GPD1L: variants seen among roughly 807,000 people sequenced by gnomAD.
GPD1L encodes the protein glycerol-3-phosphate dehydrogenase 1-like protein.
In GPD1L, 17 loss-of-function variants were observed where a neutral mutation model predicts 32.9. The ratio of observed to expected loss-of-function variants is 0.52; its 90% CI spans 0.35 to 0.78. The LOEUF (loss-of-function observed/expected upper bound fraction) is 0.78. Among genes scored for constraint, GPD1L ranks in the 30% least tolerant of loss-of-function variants. The pLI is 0.01. For missense variants in GPD1L, 361 were observed against 447.8 expected (o/e 0.81, Z 1.75); for synonymous variants, 187 against 165.9 (o/e 1.13, Z -0.98).
intron 7 of GPD1L, among the ~76,000 whole-genome samples, chr3:32,161,145 T>C (rs1474898851): frequency 6.6e-6 from 1 of 152,166 alleles, no homozygotes; most frequent in Non-Finnish European, 1.5e-5. Context: ...CAGTCATGCA[T>C]CTTTACCTCC....
rs985113795 is a variant in GPD1L, at chr3:32,106,998, G to C, written c.47+240G>C. On this transcript the variant is annotated intron_variant, in intron 1 of 7. Coordinates refer to ENST00000282541, the MANE Select transcript of GPD1L (RefSeq NM_015141.4). This position sits in a 1 kb window ranked among gnomAD's most constrained non-coding sequence, Gnocchi z 4.0. Reference sequence around the variant, plus strand: ...GGACAGCGCGGAGAGAGGGCACCCCGAGCACGCGGGCACCTGTCTGCGCCC... The same window carrying C: ...GGACAGCGCGGAGAGAGGGCACCCCCAGCACGCGGGCACCTGTCTGCGCCC... Among the ~76,000 whole-genome samples the C allele has an allele frequency of 6.6e-6, 1 of 152,188 alleles. No individual in the cohort carries two copies. Among genetic ancestry groups the C allele is most frequent in the African/African-American group, 2.4e-5 (1 of 41,468 alleles).
chr3:32,138,625 A>C lies in GPD1L; in HGVS notation c.264A>C (p.Ala88=), dbSNP rs528792876. The C allele has an allele frequency of 6.2e-6, 10 of 1,613,874 alleles. No homozygotes were observed. In the East Asian group the frequency reaches 1.6e-4, roughly 25 times the overall value. Residue 88 remains alanine (A), a synonymous_variant, in exon 3 of 8, where the codon GCA becomes GCC. Coordinates refer to ENST00000282541, the MANE Select transcript of GPD1L (RefSeq NM_015141.4). ...ATCTTAGCGAGGCTGTGCAGGATGC[A>C]GACCTGCTGGTGTTTGTCATTCCCC... ...MSNLSEAVQD[A]DLLVFVIPHQ... is the part of the protein sequence containing the mutation.
chr3:32,158,279 A>G (rs1030891620), intron 5 of GPD1L: 2 of 156,470 alleles, frequency 1.3e-5, no homozygotes, highest in Admixed American at 6.1e-5. Flanking sequence ...CACATAAAAT[A>G]TTACATATTG....
intron 1 of GPD1L, among the ~76,000 whole-genome samples, chr3:32,113,755 A>C (rs965472118): frequency 3.3e-5 from 5 of 152,168 alleles, no homozygotes; most frequent in African/African-American, 1.2e-4. Context: ...GGGTTTAACA[A>C]TGTGGGCTGA....
intron 1 of GPD1L, among the ~76,000 whole-genome samples, chr3:32,110,862 C>CT (rs1559566983): frequency 6.6e-6 from 1 of 152,078 alleles, no homozygotes; most frequent in Non-Finnish European, 1.5e-5. Context: ...TTTCTTTTTT[C>CT]TTTTTTTGTT....
Position 32,159,553 on chromosome 3 carries a change from TC to T in GPD1L, c.853-13del. The T allele has an allele frequency of 7.1e-7, 1 of 1,408,732 alleles. No individual in the cohort carries two copies. The highest frequency in any genetic ancestry group is 1.0e-6 in the Non-Finnish European group (1 of 993,016). 87.3% of individuals were successfully genotyped at this position (1,408,732 alleles called of 1,614,324 possible). A position where few individuals can be genotyped will look rare whatever the true frequency, so the allele number is the denominator to read the frequency against. Reference sequence around the variant, plus strand: ...TACCATAGTTTTTTTAAATATATAATCCTTTGTTTTTAAGACCATTGAAGAG... The same window carrying T: ...TACCATAGTTTTTTTAAATATATAATCTTTGTTTTTAAGACCATTGAAGAG... On this transcript the variant is annotated splice_polypyrimidine_tract_variant and intron_variant, in intron 6 of 7. Transcript: ENST00000282541.
intron 4 of GPD1L, among the ~76,000 whole-genome samples, chr3:32,141,400 A>G (rs1700740464): frequency 6.6e-6 from 1 of 152,128 alleles, no homozygotes; most frequent in Non-Finnish European, 1.5e-5. Flanking sequence ...TACTATTTGT[A>G]TGAACTATTA....
chr3:32,158,926 CA>C lies in GPD1L; in HGVS notation c.671del (p.Asn224ThrfsTer14). 6.2e-7 allele frequency: 1 copy of C among 1,614,080 alleles called. No individual in the cohort carries two copies. Among genetic ancestry groups the C allele is most frequent in the Non-Finnish European group, 8.5e-7 (1 of 1,180,014 alleles). ...TCTGCGACGGCCTCCGCTGTGGAGA[CA>C]ACACCAAAGCGGCCGTCATCCGCCT... ...GFCDGLRCGD[N>X]TKAAVIRLGL... On this transcript the variant is annotated frameshift_variant, in exon 6 of 8. Coordinates refer to ENST00000282541, the MANE Select transcript of GPD1L (RefSeq NM_015141.4). LOFTEE classifies it high-confidence loss of function.
At chr3:32,155,549 A>G (rs990808865) in intron 5 of GPD1L, among the ~76,000 whole-genome samples, 2 of 152,176 alleles carry the variant, frequency 1.3e-5, no homozygotes, top group African/African-American at 4.8e-5. Context: ...TCCAGGGGGC[A>G]TCAGAGAGCA....
chr3:32,163,161 C>CTTTTTTTTTTTTTTTTTTT (rs34385950), intron 7 of GPD1L, among the ~76,000 whole-genome samples: 1 of 78,030 alleles, frequency 1.3e-5, no homozygotes, highest in Non-Finnish European at 2.3e-5. Flanking sequence ...CTGGTTTGTC[C>CTTTTTTTTTTTTTTTTTTT]TTTTTTTTTT....
chr3:32,131,844 A>C (rs1700591377), intron 2 of GPD1L, among the ~76,000 whole-genome samples: 1 of 152,236 alleles, frequency 6.6e-6, no homozygotes, highest in African/African-American at 2.4e-5. Flanking sequence ...ACCATTTTAC[A>C]TTCCTATCAA....
At chr3:32,165,396 T>C (rs1011672232) in intron 7 of GPD1L, among the ~76,000 whole-genome samples, 5 of 52,820 alleles carry the variant, frequency 9.5e-5, no homozygotes, top group Non-Finnish European at 1.7e-4. Context: ...ATTTGTTACC[T>C]TGGGATGATT....
At chr3:32,161,693 C>T (rs1010537124) in intron 7 of GPD1L, among the ~76,000 whole-genome samples, 4 of 152,182 alleles carry the variant, frequency 2.6e-5, no homozygotes, top group Admixed American at 2.6e-4. Context: ...CAGTAGCTCC[C>T]TGTTTTCAAA....
chr3:32,137,104 G>A (rs1164687432), intron 2 of GPD1L, among the ~76,000 whole-genome samples: 1 of 152,166 alleles, frequency 6.6e-6, no homozygotes, highest in African/African-American at 2.4e-5. Flanking sequence ...CCCAAACTAG[G>A]TTTCCTCAGA....
intron 1 of GPD1L, among the ~76,000 whole-genome samples, chr3:32,108,157 G>C (rs1700190876): frequency 6.6e-6 from 1 of 152,200 alleles, no homozygotes; most frequent in South Asian, 2.1e-4. Context: ...CCAGCACTTT[G>C]GGAGGCTGAG....
chr3:32,121,753 A>C (rs1299214692), intron 1 of GPD1L, among the ~76,000 whole-genome samples: 1 of 132,698 alleles, frequency 7.5e-6, no homozygotes, highest in Non-Finnish European at 1.5e-5. Context: ...ATATATTTCT[A>C]TATATATATA....
Position 32,138,596 on chromosome 3 carries a change from T to G in GPD1L, c.235T>G (p.Ser79Ala). 1 of 1,614,108 alleles carries G rather than the reference T, an allele frequency of 6.2e-7. No homozygotes were observed. The highest frequency in any genetic ancestry group is 8.5e-7 in the Non-Finnish European group (1 of 1,179,956). The change falls in exon 3 of 8, where the codon TCA (serine) becomes GCA (alanine). Residue 79 changes from serine to alanine, a missense_variant. Coordinates refer to ENST00000282541, the MANE Select transcript of GPD1L (RefSeq NM_015141.4). The part of the protein sequence containing the change: ...HKLPENVVAM[S>A]NLSEAVQDAD... ...TGCCTTTTGGTTGCAGGTTGCCATG[T>G]CAAATCTTAGCGAGGCTGTGCAGGA...
At chr3:32,117,831 G>A (rs1485858908) in intron 1 of GPD1L, among the ~76,000 whole-genome samples, 4 of 152,098 alleles carry the variant, frequency 2.6e-5, no homozygotes, top group Non-Finnish European at 5.9e-5. Flanking sequence ...TCTCCTGAGT[G>A]GGCAGGTAGA....
chr3:32,154,023 C>A (rs1365635999), intron 5 of GPD1L, among the ~76,000 whole-genome samples: 1 of 152,144 alleles, frequency 6.6e-6, no homozygotes, highest in Admixed American at 6.5e-5. Flanking sequence ...ATAACTTTCA[C>A]ATCTGAGCGA....
Sources: allele counts gnomAD v4.1 joint callset (sites outside exome capture counted in the v4.1 genomes callset), GRCh38; gene constraint gnomAD v4.1.1; non-coding constraint Gnocchi (gnomAD v3.1); transcripts MANE v1.5; gene names NCBI Gene and HGNC (gene_info 2026-07-23, HGNC 2026-07-21).